Variants in ODAD2 observed in about 807,000 individuals in gnomAD.
ODAD2 encodes outer dynein arm-docking complex subunit 2.
In ODAD2, 89 loss-of-function variants were observed where a neutral mutation model predicts 106.8. The ratio of observed to expected loss-of-function variants is 0.83; its 90% CI spans 0.70 to 0.99. ODAD2 has a LOEUF of 0.99. Ranked by LOEUF, ODAD2 falls within the 50% of genes least tolerant of loss-of-function variation. The pLI is 0.00. For synonymous variants in ODAD2, 404 were observed against 436.2 expected, an observed-to-expected ratio of 0.93 and a Z score of 0.92; for missense variants, 1,168 against 1,238.5, an observed-to-expected ratio of 0.94 and a Z score of 0.85.
rs148377147 is a variant in ODAD2, at chr10:27,914,190, C to A, written c.2496-6413G>T. Among the ~76,000 whole-genome samples, 222 of 151,986 alleles carry A rather than the reference C, an allele frequency of 1.5e-3. 2 individuals carry two copies. The highest frequency in any genetic ancestry group is 4.7e-3 in the African/African-American group (196 of 41,468). ...CAAACAATAAATATTAAGTGAGAGC[C>A]AATTATATCCCATGCATTGAAACAC... is the stretch of plus-strand genomic sequence containing the variant. On this transcript the variant is annotated intron_variant, in intron 16 of 19. Coordinates refer to ENST00000305242, the MANE Select transcript of ODAD2 (RefSeq NM_018076.5).
intron 17 of ODAD2, among the ~76,000 whole-genome samples, chr10:27,877,116 A>G (rs1319368069): frequency 3.3e-5 from 5 of 152,196 alleles, no homozygotes; most frequent in African/African-American, 9.7e-5. Flanking sequence ...ATAGTTACAA[A>G]CACTTAAAAG....
chr10:27,945,064 T>G, intron 10 of ODAD2, 102 bp from the exon 11 acceptor site: 1 of 1,373,592 alleles, frequency 7.3e-7, no homozygotes, highest in Admixed American at 1.9e-5. Flanking sequence ...TGTCTCTGAG[T>G]GGGCTAGAAT....
chr10:27,975,559 T>C (rs1187465402), intron 7 of ODAD2, among the ~76,000 whole-genome samples: 1 of 152,130 alleles, frequency 6.6e-6, no homozygotes, highest in Non-Finnish European at 1.5e-5. Flanking sequence ...TTTAAGACAA[T>C]CTAATCTACC....
At chr10:27,993,970 A>ATGTG (rs1247501567) in intron 2 of ODAD2, among the ~76,000 whole-genome samples, 132 of 108,522 alleles carry the variant, frequency 1.2e-3, no homozygotes, top group Middle Eastern at 4.4e-3. Flanking sequence ...ATATATATAT[A>ATGTG]TATATGTGTG....
intron 19 of ODAD2, among the ~76,000 whole-genome samples, chr10:27,854,091 G>A (rs867567336): frequency 2.0e-5 from 3 of 152,086 alleles, no homozygotes; most frequent in Admixed American, 2.0e-4. Context: ...CACTTTGCCC[G>A]AGGAGTTATA....
At chr10:27,931,752 G>A (rs556460780) in intron 16 of ODAD2, among the ~76,000 whole-genome samples, 18 of 147,030 alleles carry the variant, frequency 1.2e-4, no homozygotes, top group Admixed American at 5.5e-4. Context: ...ATTTCAAGGT[G>A]GCAACTAGAT....
chr10:27,925,612 C>A (rs1845200995), intron 16 of ODAD2, among the ~76,000 whole-genome samples: 1 of 152,158 alleles, frequency 6.6e-6, no homozygotes, highest in Non-Finnish European at 1.5e-5. Flanking sequence ...CCTGCCTTGG[C>A]CTTCCAAAGT....
intron 10 of ODAD2, among the ~76,000 whole-genome samples, chr10:27,955,190 T>C (rs1847634849): frequency 6.6e-6 from 1 of 152,190 alleles, no homozygotes; most frequent in South Asian, 2.1e-4. Flanking sequence ...GTTTTCGAAA[T>C]ACTCTTTTTA....
chr10:27,984,133 G>T (rs1278765053), intron 5 of ODAD2, 51 bp downstream of exon 5: 1 of 1,514,274 alleles, frequency 6.6e-7, no homozygotes, highest in Non-Finnish European at 9.1e-7. Flanking sequence ...TTTTGCAAAT[G>T]TAATTATGAA....
At chr10:27,916,054 C>T (rs1428264085) in intron 16 of ODAD2, among the ~76,000 whole-genome samples, 1 of 152,068 alleles carries the variant, frequency 6.6e-6, no homozygotes, top group African/African-American at 2.4e-5. Context: ...GTGATTGAAG[C>T]AATCTTTAGT....
At chr10:27,901,692 A>G (rs1384019225) in intron 17 of ODAD2, among the ~76,000 whole-genome samples, 1 of 152,208 alleles carries the variant, frequency 6.6e-6, no homozygotes, top group Non-Finnish European at 1.5e-5. Flanking sequence ...CTTTAAACCA[A>G]CAAAGATCAA....
chr10:27,939,389 T>C (rs1846222011), intron 14 of ODAD2, among the ~76,000 whole-genome samples: 1 of 151,010 alleles, frequency 6.6e-6, no homozygotes, highest in South Asian at 2.1e-4. Context: ...CAATGGTTCT[T>C]AGACCTGTCT....
At chr10:27,995,505 A>G (rs1199810138) in intron 1 of ODAD2, 1 of 208,174 alleles carries the variant, frequency 4.8e-6, no homozygotes, top group African/African-American at 2.3e-5. Flanking sequence ...AAAAAAAGGA[A>G]GTGGAAGAGG....
At chr10:27,938,053 C>T (rs900731946) in intron 14 of ODAD2, among the ~76,000 whole-genome samples, 4 of 152,088 alleles carry the variant, frequency 2.6e-5, no homozygotes, top group African/African-American at 7.2e-5. Flanking sequence ...AAGCAATTCT[C>T]GTGCCTCCAC....
intron 11 of ODAD2, 100 bp downstream of exon 11, chr10:27,944,714 GAC>G (rs1846747795): frequency 7.1e-7 from 1 of 1,414,200 alleles, no homozygotes; most frequent in African/African-American, 1.4e-5. Context: ...AGCAGATAAA[GAC>G]AAGAACCAGG....
At position 27,949,428 on chromosome 10, in the gene ODAD2, C is replaced by T. The variant is rs529852468; in HGVS notation, c.1387-4466G>A. Among the ~76,000 whole-genome samples the T allele has an allele frequency of 1.2e-4, 18 of 152,308 alleles. No individual in the cohort carries two copies. In the East Asian group the frequency reaches 3.3e-3, roughly 28 times the overall value. ...AACTTTGACCTAACTTGGAGCATCA[C>T]TCACAGGGAAAGAACATCTGAACTG... On this transcript the variant is annotated intron_variant, in intron 10 of 19. Transcript: ENST00000305242.
chr10:27,994,468 G>A (rs897076479), intron 2 of ODAD2, among the ~76,000 whole-genome samples: 3 of 152,142 alleles, frequency 2.0e-5, no homozygotes, highest in African/African-American at 7.2e-5. Flanking sequence ...GGTGGCTCAT[G>A]CCTGTAACCC....
At position 27,970,991 on chromosome 10, in the gene ODAD2, TAAATAAATAAATAAATAAACAAAC is replaced by T. The variant is rs1216139436; in HGVS notation, c.1142+93_1142+116del. On this transcript the variant is annotated intron_variant, in intron 8 of 19. Transcript: ENST00000305242. ...CATCTTAAATAAATAAATAAATAAA[TAAATAAATAAATAAATAAACAAAC>T]AAACAAAATAAAATAAAATAAAGTT... 3.1e-3 allele frequency: 1,159 copies of T among 373,396 alleles called. 31 individuals are homozygous for T. Among genetic ancestry groups the T allele is most frequent in the African/African-American group, 0.024 (1,008 of 41,422 alleles). 23.1% of individuals were successfully genotyped at this position (373,396 alleles called of 1,614,324 possible). A position where few individuals can be genotyped will look rare whatever the true frequency, so the allele number is the denominator to read the frequency against.
chr10:27,944,836 T>A lies in ODAD2; in HGVS notation c.1513A>T (p.Thr505Ser), dbSNP rs150198377. 8 of 1,613,882 alleles carry A rather than the reference T, an allele frequency of 5.0e-6. No homozygotes were observed. Among genetic ancestry groups the A allele is most frequent in the African/African-American group, 1.3e-5 (1 of 74,842 alleles). ...GLEVLINLLE[T>S]DEVKCKIGSL... ...CTCACCTTACATTTGACTTCATCGG[T>A]TTCAAGCAAATTTATCAGCACTTCC... The change falls in exon 11 of 20, where the codon ACC becomes TCC. Residue 505 changes from threonine to serine, a missense_variant. Physicochemically the swap from Thr to Ser is moderately conservative, Grantham distance 58. This residue lies in a region of ODAD2 where 701 missense variants were observed against 712.3 expected (regional missense o/e 0.98). Transcript: ENST00000305242.
Sources: allele counts gnomAD v4.1 joint callset (sites outside exome capture counted in the v4.1 genomes callset), GRCh38; gene constraint gnomAD v4.1.1; regional missense constraint gnomAD v4.1.1; transcripts MANE v1.5; gene names NCBI Gene and HGNC (gene_info 2026-07-23, HGNC 2026-07-21).